Variants in PCDH11Y observed in about 807,000 individuals in gnomAD.
The protein encoded by PCDH11Y is protocadherin-11 Y-linked.
For missense variants in PCDH11Y, 12 were observed against 224.8 expected (o/e 0.05, Z 6.05); for synonymous variants, 9 against 83.6 (o/e 0.11, Z 4.87).
chrY:5,697,527 A>G (rs2053573404), intron 4 of PCDH11Y, among the ~76,000 whole-genome samples: 1 of 32,493 alleles, frequency 3.1e-5, no homozygotes, highest in African/African-American at 1.2e-4. Context: ...GTGCTCTTGG[A>G]TAACTAGCTC....
intron 4 of PCDH11Y, among the ~76,000 whole-genome samples, chrY:5,584,037 C>T: frequency 6.3e-5 from 2 of 31,538 alleles, no homozygotes; most frequent in Non-Finnish European, 1.6e-4. Context: ...TCGTTTTTTC[C>T]CCTTTCAGTA....
intron 1 of PCDH11Y, among the ~76,000 whole-genome samples, chrY:5,093,430 T>C: frequency 6.0e-5 from 2 of 33,178 alleles, no homozygotes; most frequent in African/African-American, 1.2e-4. Context: ...AATCAACATA[T>C]CATGTGTAAA....
intron 1 of PCDH11Y, among the ~76,000 whole-genome samples, chrY:5,014,661 C>T: frequency 3.0e-5 from 1 of 32,801 alleles, no homozygotes; most frequent in Non-Finnish European, 7.5e-5. Flanking sequence ...AATAATAGGT[C>T]TAGAGGGAGA....
chrY:5,484,492 G>T, intron 2 of PCDH11Y, among the ~76,000 whole-genome samples: 1 of 32,670 alleles, frequency 3.1e-5, no homozygotes, highest in Non-Finnish European at 7.5e-5. Context: ...GACTCAAGTT[G>T]GTATGTCAAT....
chrY:5,497,185 G>T (rs2053345876), intron 2 of PCDH11Y, among the ~76,000 whole-genome samples: 36 of 33,153 alleles, frequency 1.1e-3, no homozygotes, highest in African/African-American at 4.1e-3. Context: ...TGGGTCAAAT[G>T]GTATTTCTGG....
intron 3 of PCDH11Y, among the ~76,000 whole-genome samples, chrY:5,565,728 CAAGT>C: frequency 6.7e-5 from 2 of 29,877 alleles, no homozygotes; most frequent in East Asian, 1.7e-3. Context: ...TAAACTCAAG[CAAGT>C]AACTACTAAT....
chrY:5,536,884 G>T (rs372191953), intron 3 of PCDH11Y, among the ~76,000 whole-genome samples: 144 of 32,967 alleles, frequency 4.4e-3, no homozygotes, highest in African/African-American at 0.016. Flanking sequence ...TAAGTATTTG[G>T]GTTTATTTCT....
intron 3 of PCDH11Y, among the ~76,000 whole-genome samples, chrY:5,577,431 A>G: frequency 3.0e-5 from 1 of 33,190 alleles, no homozygotes; most frequent in Non-Finnish European, 7.5e-5. Flanking sequence ...AAATTCTGTT[A>G]ATGTAGAAAA....
intron 2 of PCDH11Y, among the ~76,000 whole-genome samples, chrY:5,429,738 A>G (rs2124680396): frequency 3.0e-5 from 1 of 33,191 alleles, no homozygotes; most frequent in South Asian, 6.7e-4. Context: ...TGATCCGATC[A>G]CAGCTTACCA....
intron 1 of PCDH11Y, among the ~76,000 whole-genome samples, chrY:5,017,853 G>A: frequency 6.0e-5 from 2 of 33,210 alleles, no homozygotes; most frequent in Admixed American, 5.6e-4. Context: ...TACAAAGACA[G>A]TAAATGGCCA....
At chrY:5,165,308 G>A (rs2052878235) in intron 2 of PCDH11Y, among the ~76,000 whole-genome samples, 1 of 32,775 alleles carries the variant, frequency 3.1e-5, no homozygotes, top group Non-Finnish European at 7.6e-5. Flanking sequence ...ACTATAAAAT[G>A]TTTCAATAAA....
chrY:5,573,389 C>G, intron 3 of PCDH11Y: 1 of 286,083 alleles, frequency 3.5e-6, no homozygotes, highest in South Asian at 3.3e-5. Context: ...ACAAGAAGAC[C>G]ATGCAAAGCC....
At chrY:5,013,126 C>A in intron 1 of PCDH11Y, among the ~76,000 whole-genome samples, 3 of 31,658 alleles carry the variant, frequency 9.5e-5, no homozygotes, top group East Asian at 1.6e-3. Flanking sequence ...CGTGAGCCAC[C>A]GCGCCCGGCC....
At chrY:5,494,526 CACACACACACAG>C (rs2053341932) in intron 2 of PCDH11Y, among the ~76,000 whole-genome samples, 1 of 31,216 alleles carries the variant, frequency 3.2e-5, no homozygotes, top group Non-Finnish European at 7.7e-5. Flanking sequence ...CTGACTGTGT[CACACACACACAG>C]ACACACACAC....
At chrY:5,093,698 T>C in intron 1 of PCDH11Y, among the ~76,000 whole-genome samples, 1 of 29,855 alleles carries the variant, frequency 3.3e-5, no homozygotes, top group African/African-American at 1.3e-4. Context: ...TTTCAGGAAA[T>C]AATTTTGAAA....
At chrY:5,198,283 G>T in intron 2 of PCDH11Y, among the ~76,000 whole-genome samples, 8 of 26,966 alleles carry the variant, frequency 3.0e-4, no homozygotes, top group Non-Finnish European at 6.0e-4. Flanking sequence ...AAGTAGCTGG[G>T]ATTATAGGTG....
At chrY:5,108,304 A>G, downstream of PCDH11Y, among the ~76,000 whole-genome samples, 1 of 32,712 alleles carries the variant, frequency 3.1e-5, no homozygotes, top group African/African-American at 1.2e-4. Context: ...TAATGATATG[A>G]TATTTAAGCT....
At chrY:5,109,799 A>G, downstream of PCDH11Y, among the ~76,000 whole-genome samples, 1 of 33,609 alleles carries the variant, frequency 3.0e-5, no homozygotes, top group Non-Finnish European at 7.4e-5. Context: ...ATTTCCCAGA[A>G]TTTTCAGAAC....
At chrY:5,075,030 A>C in intron 1 of PCDH11Y, among the ~76,000 whole-genome samples, 1 of 33,382 alleles carries the variant, frequency 3.0e-5, no homozygotes, top group African/African-American at 1.1e-4. Context: ...ATAAACTTTG[A>C]GCAAAACTAT....
Sources: gnomAD v4.1 joint callset for allele counts (sites outside exome capture counted in the v4.1 genomes callset) on GRCh38, gnomAD v4.1.1 for gene constraint, MANE v1.5 for transcripts, NCBI Gene and HGNC (gene_info 2026-07-23, HGNC 2026-07-21) for gene names.